Variants in CTDSPL2 observed in about 807,000 individuals in gnomAD.
CTDSPL2 encodes the protein CTD small phosphatase like 2, also known as CTD small phosphatase-like protein 2.
CTDSPL2 carries 5 observed loss-of-function variants against 60.0 expected under a neutral mutation model. That is an observed-to-expected ratio of 0.08 (90% confidence interval 0.04 to 0.18). The LOEUF (loss-of-function observed/expected upper bound fraction) is 0.18. Ranked by LOEUF, CTDSPL2 falls within the 10% of genes least tolerant of loss-of-function variation. The pLI, the probability that CTDSPL2 is intolerant of heterozygous loss-of-function variation, is 1.00. For missense variants in CTDSPL2, 370 were observed against 548.8 expected (o/e 0.67, Z 3.26); for synonymous variants, 186 against 189.3 (o/e 0.98, Z 0.14).
chr15:44,441,020 A>G (rs1410239646), intron 1 of CTDSPL2, among the ~76,000 whole-genome samples: 1 of 152,100 alleles, frequency 6.6e-6, no homozygotes, highest in Non-Finnish European at 1.5e-5. Flanking sequence ...CGTTTGGCTT[A>G]TGTGCCTTGG....
intron 8 of CTDSPL2, among the ~76,000 whole-genome samples, chr15:44,511,867 C>CAAAAAAA (rs68063380): frequency 8.2e-4 from 25 of 30,614 alleles, no homozygotes; most frequent in Non-Finnish European, 1.5e-3. Flanking sequence ...GACGGTCTCG[C>CAAAAAAA]AAAAAAAAAA....
intron 1 of CTDSPL2, among the ~76,000 whole-genome samples, chr15:44,455,715 G>C (rs1212824716): frequency 6.6e-6 from 1 of 152,050 alleles, no homozygotes; most frequent in East Asian, 1.9e-4. Context: ...TTATATGCTG[G>C]ATTACATTTA....
chr15:44,433,071 T>A (rs954903639), intron 1 of CTDSPL2, among the ~76,000 whole-genome samples: 5 of 151,676 alleles, frequency 3.3e-5, no homozygotes, highest in Non-Finnish European at 5.9e-5. Context: ...ATCCCAGCAC[T>A]TGGGAGGCTG....
intron 2 of CTDSPL2, among the ~76,000 whole-genome samples, chr15:44,467,368 A>T (rs1388530518): frequency 6.6e-6 from 1 of 152,192 alleles, no homozygotes; most frequent in African/African-American, 2.4e-5. Flanking sequence ...AGCAGTGGTG[A>T]GAACAACACC....
intron 2 of CTDSPL2, among the ~76,000 whole-genome samples, chr15:44,471,501 C>T (rs1263867019): frequency 2.0e-5 from 3 of 151,970 alleles, no homozygotes; most frequent in Non-Finnish European, 4.4e-5. Flanking sequence ...CCTGTGAAAC[C>T]ATCACCATCA....
intron 12 of CTDSPL2, 104 bp downstream of exon 12, chr15:44,521,510 A>AGT: frequency 1.7e-6 from 1 of 602,846 alleles, no homozygotes; most frequent in Non-Finnish European, 2.8e-6. Flanking sequence ...TTATAAAGTC[A>AGT]ACTGTGAGCC....
chr15:44,431,350 G>A (rs1230407362), intron 1 of CTDSPL2, among the ~76,000 whole-genome samples: 1 of 152,180 alleles, frequency 6.6e-6, no homozygotes, highest in African/African-American at 2.4e-5. Context: ...TTTGCCAGGA[G>A]GCATATATCT....
At chr15:44,484,965 CTT>C (rs938835472) in intron 3 of CTDSPL2, among the ~76,000 whole-genome samples, 2 of 152,116 alleles carry the variant, frequency 1.3e-5, no homozygotes, top group Non-Finnish European at 1.5e-5. Flanking sequence ...ATAATTGTGA[CTT>C]AATTTAATTG....
chr15:44,468,019 T>C (rs368783052), intron 2 of CTDSPL2, among the ~76,000 whole-genome samples: 21 of 152,302 alleles, frequency 1.4e-4, no homozygotes, highest in African/African-American at 4.8e-4. Flanking sequence ...TGTCTTGATT[T>C]GTAATGTTTT....
intron 7 of CTDSPL2, among the ~76,000 whole-genome samples, chr15:44,498,378 C>T (rs535466773): frequency 2.0e-5 from 3 of 150,220 alleles, no homozygotes; most frequent in African/African-American, 7.4e-5. Context: ...AGGCTCCATT[C>T]AGCCCAGGAA....
At chr15:44,435,702 G>T (rs2079966030) in intron 1 of CTDSPL2, among the ~76,000 whole-genome samples, 1 of 150,406 alleles carries the variant, frequency 6.6e-6, no homozygotes, top group Non-Finnish European at 1.5e-5. Flanking sequence ...TGCCTCCCGG[G>T]TTCAAGCGAT....
intron 7 of CTDSPL2, among the ~76,000 whole-genome samples, chr15:44,498,335 A>C (rs2140827762): frequency 1.3e-5 from 2 of 152,268 alleles, no homozygotes; most frequent in Non-Finnish European, 2.9e-5. Context: ...AGCCAGGCAC[A>C]GTGGCTCATG....
At chr15:44,460,405 G>A (rs2140702182) in intron 2 of CTDSPL2, among the ~76,000 whole-genome samples, 1 of 152,270 alleles carries the variant, frequency 6.6e-6, no homozygotes, top group Admixed American at 6.5e-5. Context: ...ACCGCGCCCG[G>A]CCTCAGTTTG....
At chr15:44,502,336 G>T (rs2081394364) in intron 8 of CTDSPL2, among the ~76,000 whole-genome samples, 1 of 151,074 alleles carries the variant, frequency 6.6e-6, no homozygotes, top group Admixed American at 6.6e-5. Context: ...CTTATTTTAC[G>T]TTTTTTTTCT....
Position 44,437,210 on chromosome 15 carries a change from G to T in CTDSPL2, c.-25+9438G>T, listed in dbSNP as rs1349799406. On this transcript the variant is annotated intron_variant, in intron 1 of 12. Transcript: ENST00000260327. The stretch of plus-strand genomic sequence containing the variant: ...GATTTTTGTATTTCAGATTTTCCTA[G>T]TAGGGATGCTCAAGCTGTATACCAC... Among the ~76,000 whole-genome samples, 6 of 152,148 alleles carry T rather than the reference G, an allele frequency of 3.9e-5. No homozygotes were observed. In the East Asian group the frequency reaches 1.2e-3, roughly 29 times the overall value.
In CTDSPL2 at chr15:44,524,987, AT is replaced by A; in HGVS notation, c.*815del. On this transcript the variant is annotated 3_prime_UTR_variant, in exon 13 of 13. Coordinates refer to ENST00000260327, the MANE Select transcript of CTDSPL2 (RefSeq NM_016396.3). ...GATTTAAACCATTGTGATGGCGTAT[AT>A]TCTCAAATGGTAATATCTTGCAATG... is the stretch of plus-strand genomic sequence containing the variant. 1 of 159,730 alleles carries A rather than the reference AT, an allele frequency of 6.3e-6. No homozygotes were observed. Among genetic ancestry groups the A allele is most frequent in the South Asian group, 2.0e-4 (1 of 4,896 alleles). The allele number at this position is 159,730 out of a possible 1,614,324, so 9.9% of individuals were successfully genotyped here.
intron 12 of CTDSPL2, among the ~76,000 whole-genome samples, chr15:44,522,684 C>T (rs921127848): frequency 2.6e-5 from 4 of 152,030 alleles, no homozygotes; most frequent in Non-Finnish European, 5.9e-5. Flanking sequence ...ACCCGGGAGG[C>T]GGAGGTTGCA....
intron 7 of CTDSPL2, among the ~76,000 whole-genome samples, chr15:44,497,711 G>C (rs1047761147): frequency 6.6e-6 from 1 of 152,116 alleles, no homozygotes; most frequent in African/African-American, 2.4e-5. Flanking sequence ...TTGTATTTTA[G>C]GGACTGGGTG....
intron 1 of CTDSPL2, chr15:44,448,543 A>C (rs1338958001): frequency 3.5e-6 from 1 of 285,032 alleles, no homozygotes; most frequent in African/African-American, 2.3e-5. Context: ...TCCCTATCCT[A>C]AGTGTATTAC....
Sources: allele counts gnomAD v4.1 joint callset (sites outside exome capture counted in the v4.1 genomes callset), GRCh38; gene constraint gnomAD v4.1.1; transcripts MANE v1.5; gene names NCBI Gene and HGNC (gene_info 2026-07-23, HGNC 2026-07-21).